RNF17: variants seen among roughly 807,000 people sequenced by gnomAD.
RNF17 encodes the protein spermatogenesis associated 23.
RNF17 carries 31 observed loss-of-function variants against 200.5 expected under a neutral mutation model. The ratio of observed to expected loss-of-function variants is 0.15; its 90% CI spans 0.12 to 0.21. The LOEUF (loss-of-function observed/expected upper bound fraction) is 0.21, where lower values mean the gene tolerates loss of function less well. Among genes scored for constraint, RNF17 ranks in the 10% least tolerant of loss-of-function variants. The pLI, the probability that RNF17 is intolerant of heterozygous loss-of-function variation, is 1.00. For missense variants in RNF17, 1,628 were observed against 1,905.1 expected (o/e 0.85, Z 2.71); for synonymous variants, 606 against 637.8 (o/e 0.95, Z 0.75).
At chr13:24,767,663 G>A (rs1879918025) in intron 2 of RNF17, among the ~76,000 whole-genome samples, 1 of 149,934 alleles carries the variant, frequency 6.7e-6, no homozygotes, top group Non-Finnish European at 1.5e-5. Context: ...CAGGAGAATC[G>A]CTTGAACCTG....
chr13:24,845,042 G>C lies in RNF17; in HGVS notation c.3064G>C (p.Gly1022Arg). ...RKLEENLKTMGRLSLECSLVD... is the reference protein window; with the variant it reads ...RKLEENLKTMRRLSLECSLVD... ...ACTTGAAGAAAATCTAAAGACAATG[G>C]GAAGACTCTCTTTGGAATGTTCTCT... is the stretch of plus-strand genomic sequence containing the variant. Residue 1022 changes from glycine to arginine, a missense_variant, in exon 22 of 36, where the codon GGA becomes CGA. Coordinates refer to ENST00000255324, the MANE Select transcript of RNF17 (RefSeq NM_031277.3). 6.3e-7 allele frequency: 1 copy of C among 1,582,402 alleles called. No homozygotes were observed. The highest frequency in any genetic ancestry group is 8.7e-7 in the Non-Finnish European group (1 of 1,151,604).
rs375736315 is a variant in RNF17 at position 24,825,815 on chromosome 13, C to T, written c.2245+43C>T. 9.2e-5 allele frequency: 144 copies of T among 1,572,656 alleles called. 1 individual carries two copies. In the South Asian group the frequency reaches 1.2e-3, roughly 13 times the overall value. On this transcript the variant is annotated intron_variant, in intron 16 of 35. Coordinates refer to ENST00000255324, the MANE Select transcript of RNF17 (RefSeq NM_031277.3). ...GTTTCTACAGGGAGATGTCATACTT[C>T]AAAACTAATATCATTTGAGTTGGTA...
chr13:24,789,224 A>T, intron 7 of RNF17, 124 bp from the exon 8 acceptor site: 1 of 655,084 alleles, frequency 1.5e-6, no homozygotes, highest in South Asian at 2.2e-5. Context: ...GAGTGCCCCA[A>T]ATTGAGCCTG....
intron 5 of RNF17, among the ~76,000 whole-genome samples, chr13:24,780,442 T>G (rs1231440473): frequency 1.3e-5 from 2 of 152,216 alleles, no homozygotes; most frequent in Non-Finnish European, 2.9e-5. Flanking sequence ...AGTATCTGAA[T>G]TTGGGATAGT....
chr13:24,843,423 CAGG>C (rs926963867), intron 19 of RNF17, among the ~76,000 whole-genome samples: 1 of 152,092 alleles, frequency 6.6e-6, no homozygotes, highest in Admixed American at 6.5e-5. Flanking sequence ...GAGGCTGAGG[CAGG>C]AGAATTGCTT....
chr13:24,821,896 C>T (rs182318186), intron 15 of RNF17, among the ~76,000 whole-genome samples: 14 of 152,040 alleles, frequency 9.2e-5, no homozygotes, highest in South Asian at 2.1e-4. Context: ...TCATCTCGCA[C>T]GAAGAAAGTT....
intron 15 of RNF17, among the ~76,000 whole-genome samples, chr13:24,814,091 TAGAGAA>T (rs1394918413): frequency 2.0e-5 from 3 of 152,272 alleles, no homozygotes; most frequent in South Asian, 4.1e-4. Flanking sequence ...TAAAGTAAGC[TAGAGAA>T]AAAGTGTTAT....
At chr13:24,857,907 C>T (rs1291711494) in intron 25 of RNF17, among the ~76,000 whole-genome samples, 2 of 152,140 alleles carry the variant, frequency 1.3e-5, no homozygotes, top group African/African-American at 4.8e-5. Context: ...TTTTCTAAAA[C>T]TAAAATAAAT....
chr13:24,815,904 G>A (rs183906469), intron 15 of RNF17, among the ~76,000 whole-genome samples: 1 of 152,086 alleles, frequency 6.6e-6, no homozygotes, highest in Non-Finnish European at 1.5e-5. Flanking sequence ...TTCCTTGTTG[G>A]TTTGTTTGGA....
intron 15 of RNF17, among the ~76,000 whole-genome samples, chr13:24,815,392 A>C (rs1051489240): frequency 6.6e-6 from 1 of 151,164 alleles, no homozygotes; most frequent in Non-Finnish European, 1.5e-5. Context: ...TTTTGTGTCT[A>C]GCAACTTTGC....
chr13:24,836,038 C>A (rs939529539), intron 18 of RNF17, among the ~76,000 whole-genome samples: 4 of 152,046 alleles, frequency 2.6e-5, no homozygotes, highest in Admixed American at 6.5e-5. Flanking sequence ...TGGAATTGAA[C>A]AAGTAGAAGA....
At position 24,793,157 on chromosome 13, in the gene RNF17, T is replaced by C. The variant is rs369984543; in HGVS notation, c.1051T>C (p.Ser351Pro). The C allele has an allele frequency of 5.6e-6, 9 of 1,613,984 alleles. No homozygotes were observed. The African/African-American group carries it at 1.2e-4, about 22-fold the overall frequency. ...GCTAGAAAAGAAAAAGGTTGACATG[T>C]CTGTCCTAACCAGTGAAGCACCACC... ...PPLEKKKVDM[S>P]VLTSEAPPPP... Residue 351 changes from serine (S) to proline (P), a missense_variant, in exon 10 of 36, where the codon TCT (serine) becomes CCT (proline). Coordinates refer to ENST00000255324, the MANE Select transcript of RNF17 (RefSeq NM_031277.3).
At chr13:24,775,952 G>T (rs955502506) in intron 3 of RNF17, among the ~76,000 whole-genome samples, 2 of 152,098 alleles carry the variant, frequency 1.3e-5, no homozygotes, top group African/African-American at 4.8e-5. Flanking sequence ...AAGTGTTAAA[G>T]GATCTTCTGA....
At chr13:24,862,993 T>A (rs1566242995) in intron 28 of RNF17, among the ~76,000 whole-genome samples, 200 bp downstream of exon 28, 1 of 152,226 alleles carries the variant, frequency 6.6e-6, no homozygotes, top group Non-Finnish European at 1.5e-5. Flanking sequence ...CTGAGAACTT[T>A]CATAACCATT....
At chr13:24,886,530 G>C in the RNF17 span, 2 of 435,448 alleles carry the variant, frequency 4.6e-6, no homozygotes, top group Non-Finnish European at 4.5e-6. Flanking sequence ...AGGGACTACT[G>C]GGAGTGGATG....
At chr13:24,869,630 C>T (rs1894031112) in intron 31 of RNF17, among the ~76,000 whole-genome samples, 1 of 152,206 alleles carries the variant, frequency 6.6e-6, no homozygotes, top group African/African-American at 2.4e-5. Flanking sequence ...CCCGTGGCCT[C>T]TCCAGTTGTC....
rs138599435 is a variant in RNF17 at position 24,824,995 on chromosome 13, T to C, written c.2092-624T>C. On this transcript the variant is annotated intron_variant, in intron 15 of 35. Coordinates refer to ENST00000255324, the MANE Select transcript of RNF17 (RefSeq NM_031277.3). ...GGAGTAACTTTCAGCCTTTGGAAAA[T>C]TCAGCAGATAGACCTTACTCTATGG... 5.0e-3 allele frequency among the ~76,000 whole-genome samples: 763 copies of C among 152,158 alleles called. 4 individuals carry two copies. Among genetic ancestry groups the C allele is most frequent in the Non-Finnish European group, 7.7e-3 (523 of 67,988 alleles).
intron 16 of RNF17, 32 bp from the exon 17 acceptor site, chr13:24,830,452 G>A: frequency 7.3e-7 from 1 of 1,362,762 alleles, no homozygotes; most frequent in East Asian, 2.3e-5. Flanking sequence ...CTGTTTCCAA[G>A]TTTGTAATTT....
intron 16 of RNF17, among the ~76,000 whole-genome samples, chr13:24,830,217 A>G (rs1377054678): frequency 6.6e-6 from 1 of 152,168 alleles, no homozygotes; most frequent in Non-Finnish European, 1.5e-5. Context: ...TTAACTTTTA[A>G]GTCATACCAC....
Sources: gnomAD v4.1 joint callset for allele counts (sites outside exome capture counted in the v4.1 genomes callset) on GRCh38, gnomAD v4.1.1 for gene constraint, MANE v1.5 for transcripts, NCBI Gene and HGNC (gene_info 2026-07-23, HGNC 2026-07-21) for gene names.